ZNF790: variants seen among roughly 807,000 people sequenced by gnomAD.
The protein encoded by ZNF790 is zinc finger protein 790.
ZNF790 carries 8 observed loss-of-function variants against 12.1 expected under a neutral mutation model. That is an observed-to-expected ratio of 0.66 (90% CI 0.39 to 1.19). The LOEUF (loss-of-function observed/expected upper bound fraction) is 1.19, where lower values mean the gene tolerates loss of function less well. Among genes scored for constraint, ZNF790 ranks in the 50% most tolerant of loss-of-function variants. The pLI is 0.01. For synonymous variants in ZNF790, 252 were observed against 244.3 expected (o/e 1.03, Z -0.29); for missense variants, 707 against 752.2 (o/e 0.94, Z 0.70).
chr19:36,821,123 C>T (rs992257506), intron 4 of ZNF790, among the ~76,000 whole-genome samples: 1 of 145,934 alleles, frequency 6.9e-6, no homozygotes, highest in Admixed American at 7.1e-5. Context: ...AGGAGTCTGG[C>T]ACAAGCTAAG....
At chr19:36,823,187 A>T in intron 4 of ZNF790, 98 bp downstream of exon 4, 2 of 1,114,964 alleles carry the variant, frequency 1.8e-6, no homozygotes, top group Non-Finnish European at 2.6e-6. Flanking sequence ...TTAAGGGGAT[A>T]TTCCAGACCA....
Position 36,819,615 on chromosome 19 carries a change from A to C in ZNF790, c.729T>G (p.Gly243=). Reference sequence around the variant, plus strand: ...TCTCACCGGTATGAATTCTCTTATGACCAGTAAGACTCGAACGTAAACTAA... The same window carrying C: ...TCTCACCGGTATGAATTCTCTTATGCCCAGTAAGACTCGAACGTAAACTAA... ...KSFSLRSSLT[G]HKRIHTGEKP... The change falls in exon 5 of 5, where the codon GGT becomes GGG. Residue 243 remains glycine, a synonymous_variant. Transcript: ENST00000356725. The C allele has an allele frequency of 6.2e-7, 1 of 1,607,380 alleles. No homozygotes were observed. Among genetic ancestry groups the C allele is most frequent in the Non-Finnish European group, 8.5e-7 (1 of 1,176,618 alleles).
Position 36,818,769 on chromosome 19 carries a change from C to T in ZNF790, c.1575G>A (p.Gln525=). ...FLWGSQLTRH[Q]RMHTGEEPYV... is the part of the protein sequence containing the mutation. ...AAGGTTCCTCACCAGTATGCATTCT[C>T]TGATGTCGAGTAAGTTGTGAACCCC... Residue 525 remains glutamine, a synonymous_variant, in exon 5 of 5, where the codon CAG becomes CAA. Coordinates refer to ENST00000356725, the MANE Select transcript of ZNF790 (RefSeq NM_206894.4). The T allele has an allele frequency of 1.2e-6, 2 of 1,610,296 alleles. No individual in the cohort carries two copies. Among genetic ancestry groups the T allele is most frequent in the Non-Finnish European group, 1.7e-6 (2 of 1,178,464 alleles).
chr19:36,820,860 A>C (rs1181279884), intron 4 of ZNF790, among the ~76,000 whole-genome samples: 4 of 141,868 alleles, frequency 2.8e-5, no homozygotes, highest in African/African-American at 5.3e-5. Flanking sequence ...ACACTACCAC[A>C]CTCCAGCATG....
At position 36,829,392 on chromosome 19, in the gene ZNF790, G is replaced by T. The variant is rs147080718; in HGVS notation, c.-73-3700C>A. Among the ~76,000 whole-genome samples, 146 of 152,232 alleles carry T rather than the reference G, an allele frequency of 9.6e-4. 1 individual carries two copies. The highest frequency in any genetic ancestry group is 3.4e-3 in the Middle Eastern group (1 of 294). On this transcript the variant is annotated intron_variant, in intron 1 of 4. Transcript: ENST00000356725. ...TCATATGAATGGAATAACATATGTG[G>T]ACTTGTTACTGGCTTCTTTCACGTA...
rs2072033141 is a variant in ZNF790 at position 36,835,777 on chromosome 19, C to CTTGG, written c.-74+2556_-74+2559dup. On this transcript the variant is annotated intron_variant, in intron 1 of 4. Transcript: ENST00000356725. ...CAGCTTCTAGAGGCCACCAACATTCCTTGGCTTAAGGCCCACTTCCTCTAT... is the reference window on the plus strand; with the variant it reads ...CAGCTTCTAGAGGCCACCAACATTCCTTGGTTGGCTTAAGGCCCACTTCCTCTAT... Among the ~76,000 whole-genome samples, 3 of 151,140 alleles carry CTTGG rather than the reference C, an allele frequency of 2.0e-5. No homozygotes were observed. In the South Asian group the frequency reaches 6.3e-4, roughly 32 times the overall value.
chr19:36,822,543 T>C (rs1319212372), intron 4 of ZNF790, among the ~76,000 whole-genome samples: 1 of 152,030 alleles, frequency 6.6e-6, no homozygotes, highest in African/African-American at 2.4e-5. Flanking sequence ...TTTGTTTGTT[T>C]TGTTTTGTTT....
intron 1 of ZNF790, among the ~76,000 whole-genome samples, chr19:36,847,223 G>A (rs553449798): frequency 5.3e-5 from 8 of 151,172 alleles, no homozygotes; most frequent in South Asian, 2.1e-4. Context: ...GTGTGGTGGC[G>A]CACATCTGTA....
Position 36,818,489 on chromosome 19 carries a change from AT to A in ZNF790, c.1854del (p.Glu618AspfsTer35). On this transcript the variant is annotated frameshift_variant, in exon 5 of 5. Transcript: ENST00000356725. LOFTEE classifies it low-confidence loss of function (END_TRUNC). ...QNIYTFEKSY[E>X]FKDFEKAFSS... ...GAAAATGCTTTCTCAAAATCTTTAA[AT>A]TCATAGGATTTCTCAAAAGTGTAAA... 6.3e-7 allele frequency: 1 copy of A among 1,580,060 alleles called. No individual in the cohort carries two copies.
intron 1 of ZNF790, among the ~76,000 whole-genome samples, chr19:36,848,511 T>A (rs1008651740): frequency 1.3e-4 from 20 of 151,950 alleles, no homozygotes; most frequent in African/African-American, 3.6e-4. Flanking sequence ...GCCTTAGCCA[T>A]AATTAAAAGA....
rs115714529 is a variant in ZNF790, at chr19:36,826,087, C to T, written c.-73-395G>A. 5.8e-3 allele frequency among the ~76,000 whole-genome samples: 887 copies of T among 152,236 alleles called. 13 individuals are homozygous for T. Among genetic ancestry groups the T allele is most frequent in the African/African-American group, 0.021 (852 of 41,554 alleles). On this transcript the variant is annotated intron_variant, in intron 1 of 4. Coordinates refer to ENST00000356725, the MANE Select transcript of ZNF790 (RefSeq NM_206894.4). ...AGCTTGTTACTTTGAATACTGTATC[C>T]TACCCTCTGGATTTCAGAATTTCTT...
At chr19:36,834,243 CAA>C (rs751627349) in intron 1 of ZNF790, among the ~76,000 whole-genome samples, 693 of 34,788 alleles carry the variant, frequency 0.02, 7 homozygotes, top group Admixed American at 0.064. Flanking sequence ...AACTCCATCT[CAA>C]AAAAAAAAAA....
intron 1 of ZNF790, among the ~76,000 whole-genome samples, chr19:36,830,463 A>G (rs1007772798): frequency 1.3e-5 from 2 of 152,166 alleles, no homozygotes; most frequent in Non-Finnish European, 2.9e-5. Flanking sequence ...GGATTTTTAC[A>G]CCCATATTCT....
chr19:36,844,233 C>G (rs1047380743), intron 1 of ZNF790, among the ~76,000 whole-genome samples: 4 of 151,378 alleles, frequency 2.6e-5, no homozygotes, highest in Non-Finnish European at 4.4e-5. Context: ...ATCGTTTGAG[C>G]CCAGGAGATT....
At chr19:36,847,180 C>G (rs2072187812) in intron 1 of ZNF790, among the ~76,000 whole-genome samples, 1 of 151,928 alleles carries the variant, frequency 6.6e-6, no homozygotes, top group Non-Finnish European at 1.5e-5. Flanking sequence ...ATGGTGAAAC[C>G]CTGTCTTTAC....
At position 36,817,566 on chromosome 19, in the gene ZNF790, A is replaced by G. The variant is rs551217122; in HGVS notation, c.*867T>C. On this transcript the variant is annotated 3_prime_UTR_variant, in exon 5 of 5. Coordinates refer to ENST00000356725, the MANE Select transcript of ZNF790 (RefSeq NM_206894.4). ...TCTCATAAAATGGCTTAATACCAAT[A>G]CAAATGACAGTCACTAAGTCATGTA... The G allele has an allele frequency of 4.6e-5, 7 of 152,166 alleles. No individual in the cohort carries two copies. Among genetic ancestry groups the G allele is most frequent in the Non-Finnish European group, 8.8e-5 (6 of 68,020 alleles). The allele number at this position is 152,166 out of a possible 1,614,324, so 9.4% of individuals were successfully genotyped here.
At chr19:36,849,633 C>G (rs1458273015) in intron 1 of ZNF790, among the ~76,000 whole-genome samples, 3 of 151,934 alleles carry the variant, frequency 2.0e-5, no homozygotes, top group African/African-American at 7.3e-5. Context: ...GAGCTTCCCC[C>G]CTTTAAAACT....
chr19:36,821,477 GAC>G (rs992602120), intron 4 of ZNF790, among the ~76,000 whole-genome samples: 1 of 152,158 alleles, frequency 6.6e-6, no homozygotes, highest in Non-Finnish European at 1.5e-5. Flanking sequence ...TTAAGTGCCT[GAC>G]ACAGGATACG....
Position 36,819,245 on chromosome 19 carries a change from CAT to C in ZNF790, c.1097_1098del (p.His366ArgfsTer3). 2.5e-6 allele frequency: 4 copies of C among 1,613,774 alleles called. No homozygotes were observed. Among genetic ancestry groups the C allele is most frequent in the Non-Finnish European group, 3.4e-6 (4 of 1,179,854 alleles). On this transcript the variant is annotated frameshift_variant, in exon 5 of 5. Transcript: ENST00000356725. LOFTEE classifies it low-confidence loss of function (END_TRUNC). ...HQRIHTGEKS[H>X]ECKECGKAFI... ...AAGGCTTTTCCACATTCCTTACACT[CAT>C]GAGATTTCTCACCAGTATGAATTCT... is the stretch of plus-strand genomic sequence containing the variant.
Sources: allele counts gnomAD v4.1 joint callset (sites outside exome capture counted in the v4.1 genomes callset), GRCh38; gene constraint gnomAD v4.1.1; transcripts MANE v1.5; gene names NCBI Gene and HGNC (gene_info 2026-07-23, HGNC 2026-07-21).